Variants in CPNE4 observed in about 807,000 individuals in gnomAD.
CPNE4 encodes copine-4.
In CPNE4, 25 loss-of-function variants were observed where a neutral mutation model predicts 67.9. That is an observed-to-expected ratio of 0.37 (90% confidence interval 0.27 to 0.51). CPNE4 has a LOEUF of 0.51. Among genes scored for constraint, CPNE4 ranks in the 20% least tolerant of loss-of-function variants. The pLI, the probability that CPNE4 is intolerant of heterozygous loss-of-function variation, is 0.93. For missense variants in CPNE4, 464 were observed against 690.8 expected, an observed-to-expected ratio of 0.67 and a Z score of 3.68; for synonymous variants, 242 against 244.9, an observed-to-expected ratio of 0.99 and a Z score of 0.11.
At chr3:131,882,137 TACACAC>T (rs35615774) in intron 2 of CPNE4, among the ~76,000 whole-genome samples, 82 of 150,664 alleles carry the variant, frequency 5.4e-4, no homozygotes, top group Non-Finnish European at 5.2e-4. Flanking sequence ...TCAGTTCTAA[TACACAC>T]ACACACACAC....
intron 1 of CPNE4, among the ~76,000 whole-genome samples, chr3:131,976,081 GTT>G (rs59067649): frequency 5.1e-5 from 7 of 136,676 alleles, no homozygotes; most frequent in South Asian, 2.3e-4. Flanking sequence ...AATATTGTTG[GTT>G]TTTTTTTTTT....
At chr3:131,683,886 A>G (rs1410966516) in intron 6 of CPNE4, among the ~76,000 whole-genome samples, 1 of 151,986 alleles carries the variant, frequency 6.6e-6, no homozygotes, top group East Asian at 1.9e-4. Context: ...TTCTTCCTCC[A>G]TGGGCGCAGG....
At chr3:131,647,732 A>G (rs575286775) in intron 7 of CPNE4, among the ~76,000 whole-genome samples, 24 of 152,250 alleles carry the variant, frequency 1.6e-4, no homozygotes, top group Middle Eastern at 3.4e-3. Context: ...GGCTGATGGG[A>G]AAAAATTACT....
intron 2 of CPNE4, among the ~76,000 whole-genome samples, chr3:131,761,624 G>A (rs962237104): frequency 1.3e-5 from 2 of 151,944 alleles, no homozygotes; most frequent in East Asian, 1.9e-4. Flanking sequence ...ACATGGTTTA[G>A]GTCAAGCTTA....
intron 1 of CPNE4, among the ~76,000 whole-genome samples, chr3:131,995,214 T>G (rs554930885): frequency 6.6e-6 from 1 of 152,092 alleles, no homozygotes; most frequent in South Asian, 2.1e-4. Flanking sequence ...TCTCACACAC[T>G]CACACACCTG....
At chr3:131,768,242 G>C (rs2083074366) in intron 2 of CPNE4, among the ~76,000 whole-genome samples, 1 of 152,096 alleles carries the variant, frequency 6.6e-6, no homozygotes, top group Non-Finnish European at 1.5e-5. Context: ...AGGCAGCCCA[G>C]AAAGCTGTCA....
Position 131,549,792 on chromosome 3 carries a change from G to T in CPNE4, c.1302+155C>A, listed in dbSNP as rs376158561. ...GTTTGATTATCCCCATGTTTCAGATGTCAAGACTGAGGATAGGAGGAGGTT... is the reference window on the plus strand; with the variant it reads ...GTTTGATTATCCCCATGTTTCAGATTTCAAGACTGAGGATAGGAGGAGGTT... On this transcript the variant is annotated intron_variant, in intron 14 of 15. Transcript: ENST00000429747. Among the ~76,000 whole-genome samples, 7 of 152,244 alleles carry T rather than the reference G, an allele frequency of 4.6e-5. No individual in the cohort carries two copies. The South Asian group carries it at 1.2e-3, about 27-fold the overall frequency.
At chr3:131,536,267 T>C (rs1256162087) in intron 15 of CPNE4, among the ~76,000 whole-genome samples, 1 of 152,126 alleles carries the variant, frequency 6.6e-6, no homozygotes, top group Non-Finnish European at 1.5e-5. Flanking sequence ...AGGAGGACCA[T>C]GTGATTTATG....
intron 1 of CPNE4, among the ~76,000 whole-genome samples, chr3:131,947,680 G>A (rs1218592346): frequency 2.6e-5 from 4 of 152,030 alleles, no homozygotes; most frequent in African/African-American, 4.8e-5. Context: ...TATTGTAAAC[G>A]GTGCTGCAAT....
intron 7 of CPNE4, among the ~76,000 whole-genome samples, chr3:131,643,422 C>A (rs910970937): frequency 1.3e-5 from 2 of 152,162 alleles, no homozygotes; most frequent in African/African-American, 4.8e-5. Flanking sequence ...GGTGTATTTA[C>A]CCAATGCCTG....
At chr3:131,922,073 C>A (rs1165945565) in intron 1 of CPNE4, among the ~76,000 whole-genome samples, 1 of 152,090 alleles carries the variant, frequency 6.6e-6, no homozygotes, top group Non-Finnish European at 1.5e-5. Context: ...GTTATTCAAC[C>A]CTTGCCCCCA....
At position 131,769,994 on chromosome 3, in the gene CPNE4, T is replaced by C. The variant is rs76083322; in HGVS notation, c.181-46369A>G. 0.01 allele frequency among the ~76,000 whole-genome samples: 1,563 copies of C among 152,284 alleles called. 72 individuals carry two copies. In the East Asian group the frequency reaches 0.12, roughly 12 times the overall value. On this transcript the variant is annotated intron_variant, in intron 2 of 15. Transcript: ENST00000429747. ...CACTCAAGATGAGTTTGCACAGTTC[T>C]TGATGCATTCACTTCAGTAAAAAAG...
At chr3:131,763,360 T>G (rs1877587) in intron 2 of CPNE4, among the ~76,000 whole-genome samples, 35,097 of 152,042 alleles carry the variant, frequency 0.23, 4,267 homozygotes, top group Admixed American at 0.26. Flanking sequence ...ACTGCTATTG[T>G]GTACTTATAA....
chr3:131,974,635 T>G (rs573163548), intron 1 of CPNE4, among the ~76,000 whole-genome samples: 1 of 152,264 alleles, frequency 6.6e-6, no homozygotes, highest in Non-Finnish European at 1.5e-5. Flanking sequence ...CCTCCCTGCC[T>G]CCCATACTCT....
intron 2 of CPNE4, among the ~76,000 whole-genome samples, chr3:131,727,648 A>G (rs930023900): frequency 6.6e-6 from 1 of 152,198 alleles, no homozygotes; most frequent in Admixed American, 6.6e-5. Flanking sequence ...ATACAATTCA[A>G]TATGTTTTGA....
At chr3:131,851,067 G>T (rs2086222379) in intron 2 of CPNE4, among the ~76,000 whole-genome samples, 1 of 150,610 alleles carries the variant, frequency 6.6e-6, no homozygotes, top group Non-Finnish European at 1.5e-5. Flanking sequence ...CACAATGAGG[G>T]AATGTACTGA....
chr3:131,970,627 C>T (rs565204386), intron 1 of CPNE4, among the ~76,000 whole-genome samples: 1 of 152,186 alleles, frequency 6.6e-6, no homozygotes, highest in African/African-American at 2.4e-5. Flanking sequence ...TTATGCTGCA[C>T]TTTCTAGGTC....
chr3:131,787,429 C>G (rs1044148777), intron 2 of CPNE4, among the ~76,000 whole-genome samples: 1 of 152,162 alleles, frequency 6.6e-6, no homozygotes, highest in Non-Finnish European at 1.5e-5. Flanking sequence ...GTCAGAATTG[C>G]TCTGTGTTAG....
chr3:131,868,131 T>A (rs971338259), intron 2 of CPNE4, among the ~76,000 whole-genome samples: 24 of 152,212 alleles, frequency 1.6e-4, no homozygotes, highest in African/African-American at 5.8e-4. Context: ...ATTCAGATGA[T>A]GGAGGTAGCA....
Sources: gnomAD v4.1 joint callset for allele counts (sites outside exome capture counted in the v4.1 genomes callset) on GRCh38, gnomAD v4.1.1 for gene constraint, MANE v1.5 for transcripts, NCBI Gene and HGNC (gene_info 2026-07-23, HGNC 2026-07-21) for gene names.